The following ANKRD33B variants were observed in gnomAD, a reference collection of about 807,000 sequenced individuals.
ANKRD33B encodes the protein ankyrin repeat domain-containing protein 33B.
A neutral mutation model predicts 21.5 loss-of-function variants in ANKRD33B; 6 were observed. That is an observed-to-expected ratio of 0.28 (90% CI 0.15 to 0.55). The LOEUF is 0.55. Among genes scored for constraint, ANKRD33B ranks in the 20% least tolerant of loss-of-function variants. The probability of loss-of-function intolerance (pLI) is 0.94; values close to 1 mark genes in which losing one functional copy is unlikely to be tolerated. For missense variants in ANKRD33B, 698 were observed against 747.2 expected, an observed-to-expected ratio of 0.93 and a Z score of 0.77; for synonymous variants, 347 against 342.4, an observed-to-expected ratio of 1.01 and a Z score of -0.15.
Position 10,656,612 on chromosome 5 carries a change from C to G in ANKRD33B, c.*6499C>G, listed in dbSNP as rs1737493619. ...GGCCCGAGGACCCACTGTGAGCACT[C>G]CGCCCGCTGTGGCACAGAACACGGC... On this transcript the variant is annotated 3_prime_UTR_variant, in exon 4 of 4. Transcript: ENST00000296657. 7 of 152,330 alleles carry G rather than the reference C, an allele frequency of 4.6e-5. No individual in the cohort carries two copies. The highest frequency in any genetic ancestry group is 4.6e-4 in the Admixed American group (7 of 15,288). 9.4% of individuals were successfully genotyped at this position (152,330 alleles called of 1,614,324 possible).
At chr5:10,578,059 C>T (rs946692698) in intron 1 of ANKRD33B, among the ~76,000 whole-genome samples, 2 of 152,220 alleles carry the variant, frequency 1.3e-5, no homozygotes, top group Admixed American at 6.5e-5. Context: ...TATATGTCCT[C>T]TGTTGAAGAG....
At chr5:10,587,968 A>G (rs573004488) in intron 1 of ANKRD33B, among the ~76,000 whole-genome samples, 1 of 152,268 alleles carries the variant, frequency 6.6e-6, no homozygotes, top group East Asian at 1.9e-4. Context: ...CAATTCCAAG[A>G]AGGTATATTA....
chr5:10,618,295 C>G (rs1378534329), intron 1 of ANKRD33B, 38 bp from the exon 2 acceptor site: 8 of 1,535,904 alleles, frequency 5.2e-6, no homozygotes, highest in Middle Eastern at 2.2e-4. Context: ...CATGCTCCGA[C>G]TCTGCCCCTC....
chr5:10,569,718 G>T (rs758827388), intron 1 of ANKRD33B, among the ~76,000 whole-genome samples: 1 of 152,178 alleles, frequency 6.6e-6, no homozygotes, highest in South Asian at 2.1e-4. Flanking sequence ...ATCCTAGACC[G>T]GGAGTCCGAG....
intron 1 of ANKRD33B, among the ~76,000 whole-genome samples, chr5:10,587,678 G>A (rs1475372938): frequency 6.6e-6 from 1 of 151,520 alleles, no homozygotes; most frequent in Admixed American, 6.6e-5. Flanking sequence ...TTTCTGACTT[G>A]TGCTGTGAAA....
At chr5:10,599,685 A>G (rs1735890369) in intron 1 of ANKRD33B, among the ~76,000 whole-genome samples, 1 of 152,212 alleles carries the variant, frequency 6.6e-6, no homozygotes, top group African/African-American at 2.4e-5. Flanking sequence ...TAAAGGTTGA[A>G]TAATATTCCA....
chr5:10,649,822 GC>G lies in ANKRD33B; in HGVS notation c.1197del (p.Ala400ProfsTer176). 2 of 1,387,294 alleles carry G rather than the reference GC, an allele frequency of 1.4e-6. No homozygotes were observed. The highest frequency in any genetic ancestry group is 1.5e-5 in the South Asian group (1 of 64,568). 85.9% of individuals were successfully genotyped at this position (1,387,294 alleles called of 1,614,324 possible). A position where few individuals can be genotyped will look rare whatever the true frequency, so the allele number is the denominator to read the frequency against. ...CCCTGGGGTCCCGGGGCCCCGCAGCGCCCGCCCCGCGGAAGGCCAGCCTCCT... is the reference window on the plus strand; with the variant it reads ...CCCTGGGGTCCCGGGGCCCCGCAGCGCCGCCCCGCGGAAGGCCAGCCTCCT... ...PALGSRGPAA[P>X]APRKASLLPL... is the part of the protein sequence containing the mutation. On this transcript the variant is annotated frameshift_variant, in exon 4 of 4. Coordinates refer to ENST00000296657, the MANE Select transcript of ANKRD33B (RefSeq NM_001164440.2). LOFTEE classifies it high-confidence loss of function.
chr5:10,607,179 A>G (rs965816531), intron 1 of ANKRD33B, among the ~76,000 whole-genome samples: 1 of 152,234 alleles, frequency 6.6e-6, no homozygotes, highest in Non-Finnish European at 1.5e-5. Flanking sequence ...ACACACACTC[A>G]GAATAGACTG....
At chr5:10,624,771 C>T in intron 2 of ANKRD33B, 1 of 456,790 alleles carries the variant, frequency 2.2e-6, no homozygotes, top group Non-Finnish European at 4.4e-6. Context: ...ACACTGGCTC[C>T]CAATCTTGCG....
chr5:10,570,404 A>C (rs369148517), intron 1 of ANKRD33B, among the ~76,000 whole-genome samples: 1 of 151,934 alleles, frequency 6.6e-6, no homozygotes, highest in African/African-American at 2.4e-5. Context: ...TCGCTGCTCC[A>C]TTTGGTCTCT....
chr5:10,627,007 A>T (rs767442711), intron 2 of ANKRD33B, among the ~76,000 whole-genome samples: 3 of 152,238 alleles, frequency 2.0e-5, no homozygotes, highest in Non-Finnish European at 4.4e-5. Flanking sequence ...CACAGCATTT[A>T]TGAGTACGAA....
chr5:10,623,751 G>T (rs1199925444), intron 2 of ANKRD33B, among the ~76,000 whole-genome samples: 1 of 152,216 alleles, frequency 6.6e-6, no homozygotes, highest in Admixed American at 6.5e-5. Context: ...GGGTGGCCGG[G>T]GTATGTACCA....
chr5:10,596,397 C>T (rs1412947019), intron 1 of ANKRD33B, among the ~76,000 whole-genome samples: 1 of 152,238 alleles, frequency 6.6e-6, no homozygotes, highest in African/African-American at 2.4e-5. Context: ...TCAGCTCCCA[C>T]TTATAAGTGA....
At chr5:10,641,437 CAG>C (rs1737059814) in intron 3 of ANKRD33B, among the ~76,000 whole-genome samples, 1 of 152,000 alleles carries the variant, frequency 6.6e-6, no homozygotes, top group East Asian at 1.9e-4. Context: ...CCATGTTGGC[CAG>C]GTTGGTCTTG....
intron 1 of ANKRD33B, among the ~76,000 whole-genome samples, chr5:10,606,520 G>A (rs971396610): frequency 1.3e-5 from 2 of 152,132 alleles, no homozygotes; most frequent in African/African-American, 4.8e-5. Flanking sequence ...CGGATCACAA[G>A]GTCAAGAGAT....
At chr5:10,565,549 C>A (rs1024728476) in intron 1 of ANKRD33B, among the ~76,000 whole-genome samples, 1 of 152,240 alleles carries the variant, frequency 6.6e-6, no homozygotes, top group Non-Finnish European at 1.5e-5. Flanking sequence ...CGGGCATCCA[C>A]CCGGGTAGGG....
chr5:10,650,249 G>A lies in ANKRD33B; in HGVS notation c.*136G>A. 2.0e-6 allele frequency: 2 copies of A among 1,016,380 alleles called. No homozygotes were observed. The highest frequency in any genetic ancestry group is 2.6e-6 in the Non-Finnish European group (2 of 764,534). The allele number at this position is 1,016,380 out of a possible 1,614,324, so 63.0% of individuals were successfully genotyped here. On this transcript the variant is annotated 3_prime_UTR_variant, in exon 4 of 4. Transcript: ENST00000296657. ...GACCACGGGGCTGCGCGCATTTCCA[G>A]GCTGTTTGTCCAGGCTGCTTCCAAG... is the stretch of plus-strand genomic sequence containing the variant.
At chr5:10,649,139 G>T in intron 3 of ANKRD33B, 127 bp from the exon 4 acceptor site, 1 of 1,426,980 alleles carries the variant, frequency 7.0e-7, no homozygotes, top group Non-Finnish European at 9.2e-7. Flanking sequence ...ACTAGGTGCA[G>T]TCTGTTAGGA....
chr5:10,573,432 C>T (rs570317068), intron 1 of ANKRD33B, among the ~76,000 whole-genome samples: 6 of 147,444 alleles, frequency 4.1e-5, no homozygotes, highest in African/African-American at 7.5e-5. Context: ...CACGCCACTG[C>T]ACTCCAGCCT....
Sources: gnomAD v4.1 joint callset for allele counts (sites outside exome capture counted in the v4.1 genomes callset) on GRCh38, gnomAD v4.1.1 for gene constraint, MANE v1.5 for transcripts, NCBI Gene and HGNC (gene_info 2026-07-23, HGNC 2026-07-21) for gene names.